Variants in TBC1D24 observed in about 807,000 individuals in gnomAD.
The protein encoded by TBC1D24 is Infantile myoclonic epilepsy.
A neutral mutation model predicts 50.7 loss-of-function variants in TBC1D24; 47 were observed. The observed-to-expected ratio is 0.93, with a 90% CI of 0.73 to 1.18. TBC1D24 has a LOEUF of 1.18. TBC1D24 is among the 50% of genes most tolerant of loss of function. TBC1D24 has a pLI of 0.00. For synonymous variants in TBC1D24, 324 were observed against 335.2 expected, an observed-to-expected ratio of 0.97 and a Z score of 0.36; for missense variants, 688 against 766.5, an observed-to-expected ratio of 0.90 and a Z score of 1.21.
In TBC1D24 at chr16:2,500,614, C is replaced by T. The variant is rs1455191567; in HGVS notation, c.1525+124C>T. ...GCCCTGGGTGTCAGGGTGGACCAGG[C>T]ATGATGGGTGGGAGGGGGCTGGAAG... On this transcript the variant is annotated intron_variant, in intron 7 of 7. Transcript: ENST00000646147. The surrounding 1 kb of genome is among the most constrained non-coding windows in gnomAD (Gnocchi z 8.0). The T allele has an allele frequency of 1.2e-5, 16 of 1,295,008 alleles. No individual in the cohort carries two copies. Among genetic ancestry groups the T allele is most frequent in the Non-Finnish European group, 1.5e-5 (14 of 949,466 alleles). 80.2% of individuals were successfully genotyped at this position (1,295,008 alleles called of 1,614,324 possible). A position where few individuals can be genotyped will look rare whatever the true frequency, so the allele number is the denominator to read the frequency against.
intron 1 of TBC1D24, chr16:2,476,565 G>C (rs1164157000): frequency 6.6e-6 from 1 of 152,262 alleles, no homozygotes; most frequent in Non-Finnish European, 1.5e-5. Flanking sequence ...TTTACATGGA[G>C]GACTTATTGG....
Position 2,487,707 on chromosome 16 carries a change from T to TGCTGGA in TBC1D24, c.-115-8326_-115-8325insCTGGAG, listed in dbSNP as rs2065662114. The stretch of plus-strand genomic sequence containing the variant: ...GCTGGAGTTTGGTGCTGGAGTTTGG[T>TGCTGGA]GTTGGAGTTTGGTGTTTGGGGATGG... On this transcript the variant is annotated intron_variant, in intron 1 of 7. Transcript: ENST00000646147. The surrounding 1 kb of genome is among the most constrained non-coding windows in gnomAD (Gnocchi z 4.1). Among the ~76,000 whole-genome samples, 1 of 151,862 alleles carries TGCTGGA rather than the reference T, an allele frequency of 6.6e-6. No homozygotes were observed. Among genetic ancestry groups the TGCTGGA allele is most frequent in the African/African-American group, 2.4e-5 (1 of 41,310 alleles).
rs1209988703 is a variant in TBC1D24, at chr16:2,475,387, G to C, written c.-116+217G>C. Among the ~76,000 whole-genome samples the C allele has an allele frequency of 1.3e-5, 2 of 151,834 alleles. No individual in the cohort carries two copies. The highest frequency in any genetic ancestry group is 4.8e-5 in the African/African-American group (2 of 41,424). ...CAGCTGCGGCTTGGCCTACGGGAGG[G>C]GGCGCAGGAGCGGGACCCCCTGGGC... On this transcript the variant is annotated intron_variant, in intron 1 of 7. Coordinates refer to ENST00000646147, the MANE Select transcript of TBC1D24 (RefSeq NM_001199107.2). The surrounding 1 kb of genome is among the most constrained non-coding windows in gnomAD (Gnocchi z 4.2).
At chr16:2,497,945 C>T (rs544887353) in intron 3 of TBC1D24, among the ~76,000 whole-genome samples, 5 of 152,172 alleles carry the variant, frequency 3.3e-5, no homozygotes, top group African/African-American at 1.2e-4. Flanking sequence ...TTTGGCTCAC[C>T]CTGAAGCCTT....
intron 1 of TBC1D24, among the ~76,000 whole-genome samples, chr16:2,493,241 T>C (rs1596965040): frequency 6.6e-6 from 1 of 151,706 alleles, no homozygotes; most frequent in South Asian, 2.1e-4. Context: ...CAGGTTCACG[T>C]CATTCTCCTG....
chr16:2,494,465 T>C (rs923657505), intron 1 of TBC1D24, among the ~76,000 whole-genome samples: 2 of 151,136 alleles, frequency 1.3e-5, no homozygotes, highest in African/African-American at 2.4e-5. Context: ...CTCAAAGTGA[T>C]CTTCTCAACT....
In TBC1D24 at chr16:2,487,853, T is replaced by C. The variant is rs554506597; in HGVS notation, c.-115-8181T>C. Among the ~76,000 whole-genome samples the C allele has an allele frequency of 4.5e-4, 68 of 151,816 alleles. No individual in the cohort carries two copies. The highest frequency in any genetic ancestry group is 7.8e-4 in the Non-Finnish European group (53 of 67,946). On this transcript the variant is annotated intron_variant, in intron 1 of 7. Transcript: ENST00000646147. This position sits in a 1 kb window ranked among gnomAD's most constrained non-coding sequence, Gnocchi z 4.1. ...GTCCCAGACCTGCGTGGGTCCTGCC[T>C]GTGCTCAGGGACCCTCTGGAGCCTC...
chr16:2,499,901 T>C lies in TBC1D24; in HGVS notation c.1273T>C (p.Phe425Leu). 1 of 1,614,102 alleles carries C rather than the reference T, an allele frequency of 6.2e-7. No individual in the cohort carries two copies. The highest frequency in any genetic ancestry group is 8.5e-7 in the Non-Finnish European group (1 of 1,179,990). The change falls in exon 6 of 8, where the codon TTT (phenylalanine) becomes CTT (leucine). Residue 425 changes from phenylalanine to leucine, a missense_variant. By Grantham distance (22) the Phe-to-Leu change is conservative. Coordinates refer to ENST00000646147, the MANE Select transcript of TBC1D24 (RefSeq NM_001199107.2). The surrounding 1 kb of genome is among the most constrained non-coding windows in gnomAD (Gnocchi z 4.0). ...RNKFGGKLGFFGTGECFVFRL... is the reference protein window; with the variant it reads ...RNKFGGKLGFLGTGECFVFRL... ...TAAGTTTGGAGGCAAACTGGGCTTC[T>C]TTGGGACCGGAGAATGCTTTGTGTT...
chr16:2,489,910 C>T (rs2065682148), intron 1 of TBC1D24, among the ~76,000 whole-genome samples: 1 of 152,252 alleles, frequency 6.6e-6, no homozygotes. Flanking sequence ...GCCAGTTTCC[C>T]ACTGCGCTTG....
rs1016907900 is a variant in TBC1D24 at position 2,487,840 on chromosome 16, C to T, written c.-115-8194C>T. Among the ~76,000 whole-genome samples the T allele has an allele frequency of 2.0e-5, 3 of 151,768 alleles. No individual in the cohort carries two copies. The highest frequency in any genetic ancestry group is 4.4e-5 in the Non-Finnish European group (3 of 67,970). On this transcript the variant is annotated intron_variant, in intron 1 of 7. Coordinates refer to ENST00000646147, the MANE Select transcript of TBC1D24 (RefSeq NM_001199107.2). The surrounding 1 kb of genome is among the most constrained non-coding windows in gnomAD (Gnocchi z 4.1). ...CGAGTGCCCTGAAGTCCCAGACCTG[C>T]GTGGGTCCTGCCTGTGCTCAGGGAC...
At chr16:2,476,820 A>G (rs1333929424) in intron 1 of TBC1D24, 2 of 152,232 alleles carry the variant, frequency 1.3e-5, no homozygotes, top group African/African-American at 4.8e-5. Context: ...CATAACAACA[A>G]TAAATTTGGC....
chr16:2,491,278 A>AT (rs1238371322), intron 1 of TBC1D24, among the ~76,000 whole-genome samples: 1 of 152,064 alleles, frequency 6.6e-6, no homozygotes, highest in African/African-American at 2.4e-5. Flanking sequence ...ACTTTTTGTG[A>AT]TTTTTGCATT....
rs1268990619 is a variant in TBC1D24, at chr16:2,505,256, AG to A, written c.*4300del. ...AGTATCAGATTGTGCTTGAGAAGTT[AG>A]GTACAATGTAATGTGATTCATTGCT... is the stretch of plus-strand genomic sequence containing the variant. On this transcript the variant is annotated 3_prime_UTR_variant, in exon 8 of 8. Coordinates refer to ENST00000646147, the MANE Select transcript of TBC1D24 (RefSeq NM_001199107.2). The A allele has an allele frequency of 6.6e-6, 1 of 152,258 alleles. No individual in the cohort carries two copies. Among genetic ancestry groups the A allele is most frequent in the Non-Finnish European group, 1.5e-5 (1 of 68,040 alleles). The allele number at this position is 152,258 out of a possible 1,614,324, so 9.4% of individuals were successfully genotyped here.
At chr16:2,498,893 C>G (rs539437540) in intron 4 of TBC1D24, among the ~76,000 whole-genome samples, 4 of 152,240 alleles carry the variant, frequency 2.6e-5, no homozygotes, top group African/African-American at 7.2e-5. Context: ...GTCCAGCCCC[C>G]ACCCAGCACC....
At chr16:2,494,521 G>C (rs910981958) in intron 1 of TBC1D24, among the ~76,000 whole-genome samples, 2 of 152,132 alleles carry the variant, frequency 1.3e-5, no homozygotes, top group African/African-American at 4.8e-5. Flanking sequence ...GTGGTGTTTA[G>C]GAGCCTGGAG....
intron 1 of TBC1D24, among the ~76,000 whole-genome samples, chr16:2,493,375 G>A (rs1443460228): frequency 1.3e-5 from 2 of 151,942 alleles, no homozygotes; most frequent in Non-Finnish European, 2.9e-5. Context: ...TCCTGACCTC[G>A]TGATCCACCC....
In TBC1D24 at chr16:2,501,069, G is replaced by A. The variant is rs965256579; in HGVS notation, c.*111G>A. 3.6e-6 allele frequency: 5 copies of A among 1,402,258 alleles called. No individual in the cohort carries two copies. Among genetic ancestry groups the A allele is most frequent in the African/African-American group, 1.4e-5 (1 of 70,784 alleles). The allele number at this position is 1,402,258 out of a possible 1,614,324, so 86.9% of individuals were successfully genotyped here. ...CCCCATGTGGTAGGCAGGGTTGGGGGACGGCAGGACCCCATGGCCAAGCCT... is the reference window on the plus strand; with the variant it reads ...CCCCATGTGGTAGGCAGGGTTGGGGAACGGCAGGACCCCATGGCCAAGCCT... On this transcript the variant is annotated 3_prime_UTR_variant, in exon 8 of 8. Coordinates refer to ENST00000646147, the MANE Select transcript of TBC1D24 (RefSeq NM_001199107.2).
At chr16:2,476,335 C>G (rs913009021) in intron 1 of TBC1D24, among the ~76,000 whole-genome samples, 1 of 152,228 alleles carries the variant, frequency 6.6e-6, no homozygotes, top group African/African-American at 2.4e-5. Context: ...ACAGTAGGCA[C>G]CTGTAAATGT....
At position 2,500,899 on chromosome 16, in the gene TBC1D24, G is replaced by A. The variant is rs748633241; in HGVS notation, c.1621G>A (p.Glu541Lys). ...CTTCAACAACCAGCCCCTCTGCTCC[G>A]AGAACTTCCTCATTGCTGCCGTGGA... ...DTFNNQPLCS[E>K]NFLIAAVEAW... The change falls in exon 8 of 8, where the codon GAG becomes AAG. Residue 541 changes from glutamate to lysine, a missense_variant. By Grantham distance (56) the Glu-to-Lys change is moderately conservative. Coordinates refer to ENST00000646147, the MANE Select transcript of TBC1D24 (RefSeq NM_001199107.2). This position sits in a 1 kb window ranked among gnomAD's most constrained non-coding sequence, Gnocchi z 8.0. 7 of 1,613,190 alleles carry A rather than the reference G, an allele frequency of 4.3e-6. No individual in the cohort carries two copies. In the South Asian group the frequency reaches 4.4e-5, roughly 10 times the overall value.
Sources: gnomAD v4.1 joint callset for allele counts (sites outside exome capture counted in the v4.1 genomes callset) on GRCh38, gnomAD v4.1.1 for gene constraint, Gnocchi (gnomAD v3.1) non-coding constraint, MANE v1.5 for transcripts, NCBI Gene and HGNC (gene_info 2026-07-23, HGNC 2026-07-21) for gene names.